KCNB2: variants seen among roughly 807,000 people sequenced by gnomAD.
KCNB2 encodes delayed rectifier potassium channel protein.
In KCNB2, 15 loss-of-function variants were observed where a neutral mutation model predicts 61.5. The observed-to-expected ratio is 0.24, with a 90% CI of 0.16 to 0.38. KCNB2 has a LOEUF of 0.38. Among genes scored for constraint, KCNB2 ranks in the 10% least tolerant of loss-of-function variants. The pLI is 1.00. For missense variants in KCNB2, 828 were observed against 1,125.2 expected (o/e 0.74, Z 3.78); for synonymous variants, 457 against 446.0 (o/e 1.02, Z -0.31).
chr8:72,597,001 C>CTTTTTTTTTTTTTTTTTTTT (rs869160203), intron 2 of KCNB2, among the ~76,000 whole-genome samples: 4 of 64,660 alleles, frequency 6.2e-5, no homozygotes, highest in Admixed American at 1.8e-4. Context: ...TGCTTGCTTG[C>CTTTTTTTTTTTTTTTTTTTT]TTTTTTTTTT....
intron 2 of KCNB2, among the ~76,000 whole-genome samples, chr8:72,912,213 C>T (rs1048214891): frequency 2.6e-5 from 4 of 152,088 alleles, no homozygotes; most frequent in African/African-American, 4.8e-5. Context: ...TTTGTAACAA[C>T]CCAAAATGTG....
intron 2 of KCNB2, among the ~76,000 whole-genome samples, chr8:72,615,781 C>T (rs1404088449): frequency 6.6e-6 from 1 of 152,112 alleles, no homozygotes; most frequent in Non-Finnish European, 1.5e-5. Context: ...CCAAGTGAGG[C>T]ACAGTTTTTA....
intron 2 of KCNB2, among the ~76,000 whole-genome samples, chr8:72,687,535 C>G (rs149308419): frequency 6.6e-6 from 1 of 151,870 alleles, no homozygotes; most frequent in Non-Finnish European, 1.5e-5. Flanking sequence ...GGGGTCACAA[C>G]GATGGAACTC....
intron 2 of KCNB2, among the ~76,000 whole-genome samples, chr8:72,915,539 A>T (rs1345693254): frequency 2.0e-5 from 3 of 152,174 alleles, no homozygotes; most frequent in African/African-American, 7.2e-5. Context: ...ATAAACATAG[A>T]CACAGACATA....
chr8:72,771,206 A>C (rs1044324698), intron 2 of KCNB2, among the ~76,000 whole-genome samples: 4 of 152,206 alleles, frequency 2.6e-5, no homozygotes, highest in Non-Finnish European at 5.9e-5. Flanking sequence ...AAAAGGAGGA[A>C]GATGATATGT....
chr8:72,858,302 C>T (rs568023644), intron 2 of KCNB2, among the ~76,000 whole-genome samples: 71 of 151,892 alleles, frequency 4.7e-4, no homozygotes, highest in Non-Finnish European at 9.0e-4. Flanking sequence ...TTGCTTTGGT[C>T]CAATAATATT....
chr8:72,692,808 T>C (rs1784704406), intron 2 of KCNB2, among the ~76,000 whole-genome samples: 1 of 149,162 alleles, frequency 6.7e-6, no homozygotes, highest in African/African-American at 2.4e-5. Flanking sequence ...TATTTTGTAT[T>C]ATTCATTATA....
chr8:72,766,925 G>C (rs572060191), intron 2 of KCNB2, among the ~76,000 whole-genome samples: 1 of 152,244 alleles, frequency 6.6e-6, no homozygotes, highest in East Asian at 1.9e-4. Flanking sequence ...GGAGGCCTCA[G>C]AATCATGGCA....
chr8:72,728,596 A>G (rs908272384), intron 2 of KCNB2, among the ~76,000 whole-genome samples: 6 of 152,216 alleles, frequency 3.9e-5, no homozygotes, highest in East Asian at 1.9e-4. Context: ...ATAGATATCT[A>G]TGATATAATA....
rs142877235 is a variant in KCNB2 at position 72,657,984 on chromosome 8, T to G, written c.579+89671T>G. Among the ~76,000 whole-genome samples, 280 of 152,230 alleles carry G rather than the reference T, an allele frequency of 1.8e-3. 1 individual carries two copies. The highest frequency in any genetic ancestry group is 2.8e-4 in the Non-Finnish European group (19 of 68,030). On this transcript the variant is annotated intron_variant, in intron 2 of 2. Coordinates refer to ENST00000523207, the MANE Select transcript of KCNB2 (RefSeq NM_004770.3). The stretch of plus-strand genomic sequence containing the variant: ...TCCATCTGTCTCCTTCTCCATGGAC[T>G]TCCTATTCCCTGAGACCCAGCAATA...
chr8:72,822,857 T>C (rs763410035), intron 2 of KCNB2, among the ~76,000 whole-genome samples: 24 of 152,104 alleles, frequency 1.6e-4, no homozygotes, highest in Non-Finnish European at 2.4e-4. Context: ...TCAGCTTAGG[T>C]ACACCACCTC....
chr8:72,797,958 A>T (rs1056399802), intron 2 of KCNB2, among the ~76,000 whole-genome samples: 3 of 152,116 alleles, frequency 2.0e-5, no homozygotes, highest in African/African-American at 4.8e-5. Flanking sequence ...CCCATTTCCT[A>T]TCTCACTTGT....
intron 2 of KCNB2, among the ~76,000 whole-genome samples, chr8:72,699,146 A>G (rs1294308949): frequency 6.6e-6 from 1 of 152,208 alleles, no homozygotes; most frequent in Non-Finnish European, 1.5e-5. Flanking sequence ...AGGAACTTAA[A>G]GAATTCAATA....
intron 2 of KCNB2, among the ~76,000 whole-genome samples, chr8:72,582,104 AC>A: frequency 6.6e-6 from 1 of 152,286 alleles, no homozygotes; most frequent in East Asian, 1.9e-4. Flanking sequence ...GAGACACAAC[AC>A]CCCCACATAT....
intron 2 of KCNB2, among the ~76,000 whole-genome samples, chr8:72,868,873 T>TA (rs1219892051): frequency 6.6e-6 from 1 of 152,094 alleles, no homozygotes; most frequent in Non-Finnish European, 1.5e-5. Context: ...CCAGGACCTC[T>TA]CCATATCCCA....
intron 2 of KCNB2, among the ~76,000 whole-genome samples, chr8:72,775,654 C>T (rs190758771): frequency 1.3e-5 from 2 of 152,114 alleles, no homozygotes; most frequent in Admixed American, 1.3e-4. Flanking sequence ...AGCACTTTGC[C>T]TCCTGACCCT....
At chr8:72,863,838 C>T (rs555387904) in intron 2 of KCNB2, among the ~76,000 whole-genome samples, 412 of 152,198 alleles carry the variant, frequency 2.7e-3, no homozygotes, top group African/African-American at 6.7e-3. Context: ...GGCGAAACCT[C>T]GTCTCTACAA....
intron 2 of KCNB2, among the ~76,000 whole-genome samples, chr8:72,840,771 T>C (rs1363673620): frequency 6.6e-6 from 1 of 152,186 alleles, no homozygotes. Flanking sequence ...TCTTGTAAAT[T>C]TGTTTAAGTT....
intron 2 of KCNB2, among the ~76,000 whole-genome samples, chr8:72,763,044 T>TAA (rs36134958): frequency 0.03 from 4,158 of 137,484 alleles, 205 homozygotes; most frequent in African/African-American, 0.097. Flanking sequence ...CTTTGCAAAG[T>TAA]AAAAAAAAAA....
Sources: gnomAD v4.1 joint callset for allele counts (sites outside exome capture counted in the v4.1 genomes callset) on GRCh38, gnomAD v4.1.1 for gene constraint, MANE v1.5 for transcripts, NCBI Gene and HGNC (gene_info 2026-07-23, HGNC 2026-07-21) for gene names.